AP3B1: variants seen among roughly 807,000 people sequenced by gnomAD.
AP3B1 encodes adaptor related protein complex 3 subunit beta 1.
AP3B1 carries 61 observed loss-of-function variants against 132.5 expected under a neutral mutation model. That is an observed-to-expected ratio of 0.46 (90% CI 0.37 to 0.57). AP3B1 has a LOEUF of 0.57. AP3B1 is among the 20% of genes least tolerant of loss of function. The probability of loss-of-function intolerance (pLI) is 0.00; values close to 1 mark genes in which losing one functional copy is unlikely to be tolerated. For missense variants in AP3B1, 1,120 were observed against 1,289.4 expected (o/e 0.87, Z 2.01); for synonymous variants, 388 against 438.3 (o/e 0.89, Z 1.43).
At chr5:78,066,552 G>A (rs948514203) in intron 22 of AP3B1, among the ~76,000 whole-genome samples, 9 of 152,102 alleles carry the variant, frequency 5.9e-5, no homozygotes, top group Non-Finnish European at 7.3e-5. Context: ...CAGACCAACC[G>A]GAGGAAAGAA....
intron 14 of AP3B1, among the ~76,000 whole-genome samples, chr5:78,143,002 G>A (rs928481339): frequency 1.3e-5 from 2 of 152,044 alleles, no homozygotes; most frequent in African/African-American, 2.4e-5. Context: ...CCAGTATAGA[G>A]GAATTCAAGT....
chr5:78,216,286 A>C (rs1381452380), intron 6 of AP3B1, 49 bp from the exon 7 acceptor site: 12 of 1,542,738 alleles, frequency 7.8e-6, no homozygotes, highest in Non-Finnish European at 1.1e-5. Flanking sequence ...TCTCCCCTAC[A>C]TCAAAGGTCT....
At chr5:78,113,466 TTAAG>T (rs1224643044) in intron 19 of AP3B1, among the ~76,000 whole-genome samples, 1 of 152,204 alleles carries the variant, frequency 6.6e-6, no homozygotes, top group Non-Finnish European at 1.5e-5. Flanking sequence ...CAAAAGGTAA[TTAAG>T]TGTTTCATAC....
chr5:78,044,694 C>T (rs1254162319), intron 22 of AP3B1, among the ~76,000 whole-genome samples: 1 of 152,076 alleles, frequency 6.6e-6, no homozygotes, highest in African/African-American at 2.4e-5. Context: ...TAGAAGTATG[C>T]CTTTAGTCAT....
intron 6 of AP3B1, among the ~76,000 whole-genome samples, chr5:78,223,784 A>C (rs1372314086): frequency 6.6e-6 from 1 of 152,218 alleles, no homozygotes; most frequent in Non-Finnish European, 1.5e-5. Context: ...ACTCATAAAG[A>C]ATTGGTACAT....
At chr5:78,208,295 T>C (rs772601082) in intron 7 of AP3B1, among the ~76,000 whole-genome samples, 4 of 152,190 alleles carry the variant, frequency 2.6e-5, no homozygotes, top group African/African-American at 4.8e-5. Flanking sequence ...TTGACAACTG[T>C]ACTAGTCAGA....
chr5:78,209,220 T>C (rs1745634452), intron 7 of AP3B1, among the ~76,000 whole-genome samples: 1 of 151,914 alleles, frequency 6.6e-6, no homozygotes, highest in Non-Finnish European at 1.5e-5. Context: ...ATAGGAAGGG[T>C]GGGTCAGACA....
intron 11 of AP3B1, among the ~76,000 whole-genome samples, chr5:78,168,233 T>C (rs202152265): frequency 7.2e-6 from 1 of 138,260 alleles, no homozygotes; most frequent in Non-Finnish European, 1.6e-5. Flanking sequence ...TTTCTTTTTT[T>C]TTTTTTTTGA....
At chr5:78,196,844 T>A (rs898677225) in intron 7 of AP3B1, among the ~76,000 whole-genome samples, 1 of 152,172 alleles carries the variant, frequency 6.6e-6, no homozygotes, top group Non-Finnish European at 1.5e-5. Context: ...TTAAAAAGAC[T>A]AGTGACTGCC....
rs1455382080 is a variant in AP3B1, at chr5:78,162,909, T to C, written c.1273A>G (p.Ile425Val). 9 of 1,613,852 alleles carry C rather than the reference T, an allele frequency of 5.6e-6. No individual in the cohort carries two copies. In the East Asian group the frequency reaches 2.0e-4, roughly 36 times the overall value. Residue 425 changes from isoleucine (I) to valine (V), a missense_variant, in exon 13 of 27, where the codon ATT becomes GTT. Around this residue, in one of 3 missense-constraint regions of AP3B1, gnomAD observed 906 missense variants for 997.1 expected, o/e 0.91. Transcript: ENST00000255194. ...GTTGCACATCTGCCTATAGTCTGAA[T>C]AGTGGCTGCTGCAAATTGTTTATCC... ...SQDKQFAAAT[I>V]QTIGRCATNI...
In AP3B1 at chr5:78,039,239, G is replaced by A. The variant is rs144420604; in HGVS notation, c.2613C>T (p.His871=). The stretch of plus-strand genomic sequence containing the variant: ...TTCCACTCATTCGATGAAGCAGCAC[G>A]TGAGTTTTCGTTGGTACAAATGCAG... ...STPAFVPTKT[H]VLLHRMSGKG... The change falls in exon 23 of 27, where the codon CAC becomes CAT. Residue 871 remains histidine (H), a synonymous_variant. Transcript: ENST00000255194. 4.5e-3 allele frequency: 7,296 copies of A among 1,614,106 alleles called. 28 individuals are homozygous for A. Among genetic ancestry groups the A allele is most frequent in the South Asian group, 8.6e-3 (781 of 91,088 alleles).
intron 26 of AP3B1, among the ~76,000 whole-genome samples, chr5:78,014,783 A>G (rs1746790331): frequency 6.6e-6 from 1 of 152,246 alleles, no homozygotes; most frequent in South Asian, 2.1e-4. Context: ...CTTTACATTC[A>G]TTTAAAGCCA....
intron 22 of AP3B1, among the ~76,000 whole-genome samples, chr5:78,058,054 C>A (rs911668067): frequency 8.5e-5 from 13 of 152,072 alleles, no homozygotes; most frequent in Non-Finnish European, 1.6e-4. Context: ...CTTTTTAGTT[C>A]TCTACTACCT....
At chr5:78,041,572 T>A (rs1409937060) in intron 22 of AP3B1, among the ~76,000 whole-genome samples, 3 of 151,438 alleles carry the variant, frequency 2.0e-5, no homozygotes, top group African/African-American at 4.8e-5. Flanking sequence ...AAAAAAATAA[T>A]AATAATAAAA....
intron 22 of AP3B1, among the ~76,000 whole-genome samples, chr5:78,088,076 T>C (rs1318755167): frequency 1.3e-5 from 2 of 152,198 alleles, no homozygotes; most frequent in Non-Finnish European, 2.9e-5. Context: ...TTATTATTTA[T>C]TCACTACCTT....
At chr5:78,091,062 C>T (rs1010634951) in intron 21 of AP3B1, among the ~76,000 whole-genome samples, 1 of 151,952 alleles carries the variant, frequency 6.6e-6, no homozygotes, top group African/African-American at 2.4e-5. Context: ...GCTGGGATTA[C>T]AGGCGTGTGC....
At chr5:78,252,915 C>T (rs1403274010) in intron 2 of AP3B1, among the ~76,000 whole-genome samples, 1 of 152,252 alleles carries the variant, frequency 6.6e-6, no homozygotes, top group African/African-American at 2.4e-5. Context: ...TACAGCAGGC[C>T]TTGTGCAAGA....
chr5:78,230,376 T>G (rs1000421612), intron 3 of AP3B1, among the ~76,000 whole-genome samples: 1 of 151,706 alleles, frequency 6.6e-6, no homozygotes, highest in African/African-American at 2.4e-5. Context: ...TCATCATTGA[T>G]AAATATGTTA....
At chr5:78,289,225 C>T (rs1234169529) in intron 1 of AP3B1, among the ~76,000 whole-genome samples, 1 of 152,114 alleles carries the variant, frequency 6.6e-6, no homozygotes, top group Non-Finnish European at 1.5e-5. Context: ...GCTATAATTG[C>T]GTACAAACCA....
Sources: gnomAD v4.1 joint callset for allele counts (sites outside exome capture counted in the v4.1 genomes callset) on GRCh38, gnomAD v4.1.1 for gene constraint, gnomAD v4.1.1 regional missense constraint, MANE v1.5 for transcripts, NCBI Gene and HGNC (gene_info 2026-07-23, HGNC 2026-07-21) for gene names.